TMEM181: variants seen among roughly 807,000 people sequenced by gnomAD.
TMEM181 encodes G protein-coupled receptor 178.
TMEM181 carries 39 observed loss-of-function variants against 71.9 expected under a neutral mutation model. The ratio of observed to expected loss-of-function variants is 0.54; its 90% confidence interval spans 0.42 to 0.71. The LOEUF (loss-of-function observed/expected upper bound fraction) is 0.71. TMEM181 is among the 30% of genes least tolerant of loss of function. The probability of loss-of-function intolerance (pLI) is 0.00; values close to 1 mark genes in which losing one functional copy is unlikely to be tolerated. For synonymous variants in TMEM181, 245 were observed against 228.8 expected, an observed-to-expected ratio of 1.07 and a Z score of -0.64; for missense variants, 595 against 583.0, an observed-to-expected ratio of 1.02 and a Z score of -0.21.
chr6:158,542,868 G>GTTTTTT (rs61401561), intron 1 of TMEM181, among the ~76,000 whole-genome samples: 31 of 73,498 alleles, frequency 4.2e-4, no homozygotes, highest in African/African-American at 8.0e-4. Context: ...CTCCAGAGTG[G>GTTTTTT]TTTTTTTTTT....
chr6:158,561,121 A>G (rs778650940), intron 1 of TMEM181, among the ~76,000 whole-genome samples: 1 of 152,130 alleles, frequency 6.6e-6, no homozygotes, highest in Non-Finnish European at 1.5e-5. Context: ...CTTGGCTTAT[A>G]TGCGGTTTTT....
At chr6:158,544,142 A>G (rs1378362906) in intron 1 of TMEM181, among the ~76,000 whole-genome samples, 1 of 147,346 alleles carries the variant, frequency 6.8e-6, no homozygotes, top group South Asian at 2.1e-4. Flanking sequence ...TCACTGTGTC[A>G]CCTGAGTTGC....
chr6:158,561,679 T>C (rs1307782093), intron 1 of TMEM181, among the ~76,000 whole-genome samples: 1 of 152,180 alleles, frequency 6.6e-6, no homozygotes, highest in East Asian at 1.9e-4. Flanking sequence ...AAGAAAGCAG[T>C]TGACCAAGGA....
At chr6:158,591,981 A>G (rs1446214957) in intron 6 of TMEM181, among the ~76,000 whole-genome samples, 1 of 152,168 alleles carries the variant, frequency 6.6e-6, no homozygotes, top group Non-Finnish European at 1.5e-5. Flanking sequence ...GGGGCTCAAA[A>G]AGGAATTGGT....
chr6:158,623,468 A>AG, intron 10 of TMEM181, 82 bp from the exon 11 acceptor site: 1 of 1,022,776 alleles, frequency 9.8e-7, no homozygotes, highest in Non-Finnish European at 1.4e-6. Context: ...AGTAAAAAAA[A>AG]CAAAAAGTCA....
At chr6:158,595,651 T>C (rs1241082216) in intron 6 of TMEM181, among the ~76,000 whole-genome samples, 1 of 152,212 alleles carries the variant, frequency 6.6e-6, no homozygotes, top group East Asian at 1.9e-4. Context: ...TTCTGAAGCA[T>C]AATGTTGAAT....
chr6:158,618,569 T>C (rs543710832), intron 10 of TMEM181, among the ~76,000 whole-genome samples: 139 of 152,366 alleles, frequency 9.1e-4, no homozygotes, highest in African/African-American at 3.2e-3. Context: ...TGTTAGTTGA[T>C]GCTGTTTCTT....
Position 158,547,308 on chromosome 6 carries a change from C to T in TMEM181, c.131+10443C>T, listed in dbSNP as rs568535646. On this transcript the variant is annotated intron_variant, in intron 1 of 16. Coordinates refer to the TMEM181 transcript ENST00000367090. ...AAATAAATAAATACAGAAATACAGA[C>T]GCCTAAGCCCTGCTTCAGATCTGCC... Among the ~76,000 whole-genome samples, 8 of 152,314 alleles carry T rather than the reference C, an allele frequency of 5.3e-5. No individual in the cohort carries two copies. The South Asian group carries it at 6.2e-4, about 12-fold the overall frequency.
At chr6:158,588,063 C>T (rs1246061034) in intron 5 of TMEM181, among the ~76,000 whole-genome samples, 1 of 152,234 alleles carries the variant, frequency 6.6e-6, no homozygotes, top group African/African-American at 2.4e-5. Flanking sequence ...ACTTAAAGCC[C>T]AGAGGGCAGG....
intron 2 of TMEM181, 80 bp downstream of exon 2, chr6:158,573,603 G>T (rs1191446493): frequency 1.6e-6 from 2 of 1,233,238 alleles, no homozygotes; most frequent in Non-Finnish European, 2.3e-6. Context: ...GCCCAGCTGT[G>T]CCCCTATCTT....
At chr6:158,631,678 T>C in intron 16 of TMEM181, 132 bp from the exon 17 acceptor site, 1 of 1,032,944 alleles carries the variant, frequency 9.7e-7, no homozygotes, top group Non-Finnish European at 1.4e-6. Flanking sequence ...GGGTGAGCAG[T>C]AGCAGTTGGT....
Position 158,589,762 on chromosome 6 carries a change from A to T in TMEM181, c.472A>T (p.Ile158Phe). ...IVGFEHLKLP[I>F]KGMNFTWKTY... is the part of the protein sequence containing the mutation. ...GGGATTTGAACACCTGAAGCTCCCC[A>T]TCAAGGGAATGAACTTCACAGTAAG... Residue 158 changes from isoleucine to phenylalanine, a missense_variant, in exon 6 of 17, where the codon ATC (isoleucine) becomes TTC (phenylalanine). Ile to Phe is a conservative substitution (Grantham distance 21, BLOSUM62 0). Coordinates refer to ENST00000684151, the MANE Select transcript of TMEM181 (RefSeq NM_001376852.1). 1 of 1,613,712 alleles carries T rather than the reference A, an allele frequency of 6.2e-7. No individual in the cohort carries two copies. Among genetic ancestry groups the T allele is most frequent in the Non-Finnish European group, 8.5e-7 (1 of 1,179,588 alleles).
Position 158,625,581 on chromosome 6 carries a change from T to C in TMEM181, c.1058-122T>C, listed in dbSNP as rs373698978. The C allele has an allele frequency of 6.7e-6, 6 of 892,838 alleles. No individual in the cohort carries two copies. In the African/African-American group the frequency reaches 6.8e-5, roughly 10 times the overall value. 55.3% of individuals were successfully genotyped at this position (892,838 alleles called of 1,614,324 possible). A position where few individuals can be genotyped will look rare whatever the true frequency, so the allele number is the denominator to read the frequency against. On this transcript the variant is annotated intron_variant, in intron 12 of 16. Coordinates refer to ENST00000684151, the MANE Select transcript of TMEM181 (RefSeq NM_001376852.1). Reference sequence around the variant, plus strand: ...CTCCTAGGCTGCTGGCGACTCCGGCTAAGTCTGGAGGGAGGAGCATTTGTC... The same window carrying C: ...CTCCTAGGCTGCTGGCGACTCCGGCCAAGTCTGGAGGGAGGAGCATTTGTC...
intron 5 of TMEM181, among the ~76,000 whole-genome samples, chr6:158,588,332 C>G (rs1007042974): frequency 3.9e-5 from 6 of 152,204 alleles, no homozygotes; most frequent in African/African-American, 1.2e-4. Context: ...GCCTTCAGCC[C>G]CCTGCACACT....
chr6:158,547,688 G>GC (rs1444745761), intron 1 of TMEM181, among the ~76,000 whole-genome samples: 1 of 151,758 alleles, frequency 6.6e-6, no homozygotes, highest in East Asian at 1.9e-4. Flanking sequence ...CCACCTCTTT[G>GC]CACTGGATCT....
chr6:158,615,296 G>T (rs1785554247), intron 10 of TMEM181, among the ~76,000 whole-genome samples: 1 of 152,216 alleles, frequency 6.6e-6, no homozygotes, highest in South Asian at 2.1e-4. Context: ...CTTTTGAGAA[G>T]TGTCTGTTCA....
chr6:158,617,192 T>G (rs2128323776), intron 10 of TMEM181, among the ~76,000 whole-genome samples: 1 of 152,346 alleles, frequency 6.6e-6, no homozygotes, highest in East Asian at 1.9e-4. Flanking sequence ...AGATTCAGCT[T>G]CTTCCTGGTT....
At chr6:158,608,307 A>G (rs750872245) in intron 8 of TMEM181, 26 bp from the exon 9 acceptor site, 8 of 1,613,666 alleles carry the variant, frequency 5.0e-6, no homozygotes, top group Middle Eastern at 1.6e-4. Context: ...TGTTTTCCAC[A>G]TGGATTTCTG....
intron 6 of TMEM181, among the ~76,000 whole-genome samples, chr6:158,598,808 G>C (rs1211565064): frequency 6.6e-6 from 1 of 151,920 alleles, no homozygotes; most frequent in Admixed American, 6.6e-5. Flanking sequence ...CGAGTAGCTG[G>C]GACTACAGGC....
Sources: allele counts gnomAD v4.1 joint callset (sites outside exome capture counted in the v4.1 genomes callset), GRCh38; gene constraint gnomAD v4.1.1; transcripts MANE v1.5; gene names NCBI Gene and HGNC (gene_info 2026-07-23, HGNC 2026-07-21).